Variants in COL14A1 observed in about 807,000 individuals in gnomAD.
COL14A1 encodes collagen alpha-1(XIV) chain.
Under a neutral mutation model 230.3 loss-of-function variants are expected in COL14A1, and 136 were observed. The observed-to-expected ratio is 0.59, with a 90% CI of 0.51 to 0.68. The LOEUF is 0.68. COL14A1 is among the 30% of genes least tolerant of loss of function. The probability of loss-of-function intolerance (pLI) is 0.00; values close to 1 mark genes in which losing one functional copy is unlikely to be tolerated. For synonymous variants in COL14A1, 792 were observed against 784.1 expected (o/e 1.01, Z -0.17); for missense variants, 1,976 against 2,215.8 (o/e 0.89, Z 2.17).
At chr8:120,231,359 A>G in intron 18 of COL14A1, 108 bp from the exon 19 acceptor site, 1 of 1,178,360 alleles carries the variant, frequency 8.5e-7, no homozygotes, top group African/African-American at 1.5e-5. Context: ...ACTATATTAC[A>G]GGGATACATT....
rs145668905 is a variant in COL14A1, at chr8:120,179,202, G to A, written c.436+10955G>A. 6.7e-3 allele frequency among the ~76,000 whole-genome samples: 1,022 copies of A among 152,256 alleles called. 10 individuals carry two copies. Among genetic ancestry groups the A allele is most frequent in the African/African-American group, 0.019 (781 of 41,560 alleles). The stretch of plus-strand genomic sequence containing the variant: ...ATTTCTGGCCAGGGCAATCATGCAA[G>A]AGAAAGAAATAAAGGGTATTCAACT... On this transcript the variant is annotated intron_variant, in intron 5 of 47. Transcript: ENST00000297848.
intron 12 of COL14A1, among the ~76,000 whole-genome samples, chr8:120,210,580 T>A (rs982966908): frequency 6.6e-6 from 1 of 152,204 alleles, no homozygotes; most frequent in Non-Finnish European, 1.5e-5. Context: ...TGATGAACCT[T>A]TGACCTTCAG....
chr8:120,152,468 TCAAA>T (rs1815320241), intron 2 of COL14A1, among the ~76,000 whole-genome samples: 1 of 34,844 alleles, frequency 2.9e-5, no homozygotes, highest in Admixed American at 4.8e-4. Flanking sequence ...AGATTCCATC[TCAAA>T]AAAAAAAAAA....
intron 42 of COL14A1, among the ~76,000 whole-genome samples, chr8:120,333,466 A>G (rs765142813): frequency 1.3e-5 from 2 of 152,230 alleles, no homozygotes; most frequent in Non-Finnish European, 2.9e-5. Context: ...TTATCTGTGA[A>G]TTGCTAAGTC....
At chr8:120,332,324 A>G in intron 41 of COL14A1, 130 bp downstream of exon 41, 1 of 822,054 alleles carries the variant, frequency 1.2e-6, no homozygotes, top group South Asian at 1.7e-5. Context: ...ATCCCTTGAT[A>G]GAGAACTCTC....
chr8:120,184,466 G>T, intron 5 of COL14A1, among the ~76,000 whole-genome samples: 1 of 151,966 alleles, frequency 6.6e-6, no homozygotes, highest in East Asian at 1.9e-4. Context: ...TAGTGGCCAG[G>T]CTGGTCTCAA....
intron 10 of COL14A1, among the ~76,000 whole-genome samples, chr8:120,207,959 T>A (rs1232953532): frequency 6.6e-6 from 1 of 152,072 alleles, no homozygotes; most frequent in Non-Finnish European, 1.5e-5. Context: ...TGTTATTAAG[T>A]GGATGTAAAT....
intron 36 of COL14A1, among the ~76,000 whole-genome samples, chr8:120,305,759 G>C: frequency 6.6e-6 from 1 of 151,888 alleles, no homozygotes; most frequent in African/African-American, 2.4e-5. Context: ...ATTTATTTTT[G>C]TCTTTAATTT....
At chr8:120,321,970 C>A (rs1182194998) in intron 40 of COL14A1, among the ~76,000 whole-genome samples, 1 of 151,998 alleles carries the variant, frequency 6.6e-6, no homozygotes, top group Middle Eastern at 3.2e-3. Context: ...GTGAGACCTA[C>A]TGATGTCAAA....
chr8:120,243,602 A>ACTT (rs1261871396), intron 19 of COL14A1, among the ~76,000 whole-genome samples: 2 of 152,234 alleles, frequency 1.3e-5, no homozygotes, highest in Non-Finnish European at 2.9e-5. Flanking sequence ...TCTTCTGGAT[A>ACTT]CTTTACAAAT....
chr8:120,247,544 G>A (rs1818802763), intron 20 of COL14A1, 69 bp from the exon 21 acceptor site: 2 of 1,366,148 alleles, frequency 1.5e-6, no homozygotes, highest in Admixed American at 2.5e-5. Context: ...ATATTTTGAT[G>A]GCATCAGTGT....
intron 1 of COL14A1, among the ~76,000 whole-genome samples, chr8:120,137,674 T>C (rs1257538037): frequency 6.6e-6 from 1 of 152,146 alleles, no homozygotes; most frequent in East Asian, 1.9e-4. Flanking sequence ...CTTTCAAACA[T>C]TTAAAAATTT....
chr8:120,277,552 A>T (rs1479124019), intron 26 of COL14A1: 1 of 152,156 alleles, frequency 6.6e-6, no homozygotes, highest in Non-Finnish European at 1.5e-5. Context: ...TGTGGTGAAC[A>T]TACAGCAAGA....
chr8:120,309,967 T>C lies in COL14A1; in HGVS notation c.4402-42T>C, dbSNP rs372852678. On this transcript the variant is annotated intron_variant, in intron 36 of 47. Coordinates refer to ENST00000297848, the MANE Select transcript of COL14A1 (RefSeq NM_021110.4). Reference sequence around the variant, plus strand: ...GGAAAATGAATGAAATACACTGTTTTGAGATTTGTCTTTGAGCTAATACTT... The same window carrying C: ...GGAAAATGAATGAAATACACTGTTTCGAGATTTGTCTTTGAGCTAATACTT... 1.3e-5 allele frequency: 21 copies of C among 1,591,616 alleles called. No individual in the cohort carries two copies. The African/African-American group carries it at 2.0e-4, about 15-fold the overall frequency.
intron 14 of COL14A1, among the ~76,000 whole-genome samples, chr8:120,220,773 GATA>G (rs1273303934): frequency 1.3e-5 from 2 of 152,120 alleles, no homozygotes; most frequent in African/African-American, 2.4e-5. Flanking sequence ...AATTGATGAT[GATA>G]ATGATGGTGA....
rs771340158 is a variant in COL14A1 at position 120,203,889 on chromosome 8, C to A, written c.1039+19C>A. On this transcript the variant is annotated intron_variant, in intron 9 of 47. Transcript: ENST00000297848. Reference sequence around the variant, plus strand: ...ATTAAAGGTAAAATGAGTGACAGAGCAGTCCTGTGGATGTCAGTATTATGG... The same window carrying A: ...ATTAAAGGTAAAATGAGTGACAGAGAAGTCCTGTGGATGTCAGTATTATGG... The A allele has an allele frequency of 3.0e-5, 48 of 1,610,460 alleles. No individual in the cohort carries two copies. Among genetic ancestry groups the A allele is most frequent in the African/African-American group, 4.0e-5 (3 of 74,824 alleles).
At chr8:120,243,753 T>C (rs1015123093) in intron 19 of COL14A1, 126 bp from the exon 20 acceptor site, 2 of 1,136,618 alleles carry the variant, frequency 1.8e-6, no homozygotes, top group Non-Finnish European at 1.3e-6. Context: ...GCCCTTTCTT[T>C]TCTCCTCACT....
chr8:120,144,364 G>T (rs961292587), intron 1 of COL14A1, among the ~76,000 whole-genome samples: 1 of 152,102 alleles, frequency 6.6e-6, no homozygotes, highest in Non-Finnish European at 1.5e-5. Flanking sequence ...GCCATAATAG[G>T]TATGAATTAT....
In COL14A1 at chr8:120,362,091, T is replaced by C. The variant is rs574448048; in HGVS notation, c.5078-5080T>C. Among the ~76,000 whole-genome samples the C allele has an allele frequency of 1.9e-3, 287 of 152,292 alleles. 1 individual carries two copies. Among genetic ancestry groups the C allele is most frequent in the African/African-American group, 6.0e-3 (248 of 41,570 alleles). On this transcript the variant is annotated intron_variant, in intron 45 of 47. Coordinates refer to ENST00000297848, the MANE Select transcript of COL14A1 (RefSeq NM_021110.4). ...CAGGAGGTTTGGGAAGCCATAACTA[T>C]AGCAAGCAAGACAAGAAAGAGCCTT... is the stretch of plus-strand genomic sequence containing the variant.
Sources: allele counts gnomAD v4.1 joint callset (sites outside exome capture counted in the v4.1 genomes callset), GRCh38; gene constraint gnomAD v4.1.1; transcripts MANE v1.5; gene names NCBI Gene and HGNC (gene_info 2026-07-23, HGNC 2026-07-21).